Variants in SLC1A3 observed in about 807,000 individuals in gnomAD.
SLC1A3 encodes the protein solute carrier family 1 member 3, also known as excitatory amino acid transporter 1.
A neutral mutation model predicts 48.1 loss-of-function variants in SLC1A3; 21 were observed. The ratio of observed to expected loss-of-function variants is 0.44; its 90% confidence interval spans 0.31 to 0.63. The LOEUF (loss-of-function observed/expected upper bound fraction) is 0.63. Among genes scored for constraint, SLC1A3 ranks in the 20% least tolerant of loss-of-function variants. The pLI, the probability that SLC1A3 is intolerant of heterozygous loss-of-function variation, is 0.08. For synonymous variants in SLC1A3, 239 were observed against 251.4 expected, an observed-to-expected ratio of 0.95 and a Z score of 0.47; for missense variants, 546 against 689.0, an observed-to-expected ratio of 0.79 and a Z score of 2.32.
intron 1 of SLC1A3, among the ~76,000 whole-genome samples, chr5:36,597,520 G>A (rs1488351074): frequency 6.6e-6 from 1 of 152,046 alleles, no homozygotes; most frequent in Non-Finnish European, 1.5e-5. Flanking sequence ...GGGATTACAG[G>A]CGTGAGCCAC....
intron 2 of SLC1A3, among the ~76,000 whole-genome samples, chr5:36,619,086 C>T (rs1297676880): frequency 6.6e-6 from 1 of 152,086 alleles, no homozygotes; most frequent in Non-Finnish European, 1.5e-5. Flanking sequence ...ATTTGGGCAC[C>T]CCTGGTGGAA....
intron 3 of SLC1A3, among the ~76,000 whole-genome samples, chr5:36,632,122 T>C (rs1163983591): frequency 2.6e-5 from 4 of 152,098 alleles, no homozygotes; most frequent in Non-Finnish European, 5.9e-5. Context: ...GAGGGACAAG[T>C]ATGATGATAA....
chr5:36,602,647 T>A (rs375793256), upstream of SLC1A3, among the ~76,000 whole-genome samples: 1 of 152,232 alleles, frequency 6.6e-6, no homozygotes, highest in Non-Finnish European at 1.5e-5. Context: ...TTTTAAGGCA[T>A]CATTATGTCC....
intron 3 of SLC1A3, among the ~76,000 whole-genome samples, chr5:36,665,290 C>CA (rs1250755595): frequency 1.3e-5 from 2 of 151,326 alleles, no homozygotes; most frequent in Non-Finnish European, 1.5e-5. Context: ...GCTGGTTATT[C>CA]AAAAAAATGA....
intron 2 of SLC1A3, among the ~76,000 whole-genome samples, chr5:36,618,120 G>T (rs1232308750): frequency 6.6e-6 from 1 of 152,162 alleles, no homozygotes; most frequent in Admixed American, 6.5e-5. Context: ...TTGGAAAACT[G>T]CAATTTCAGG....
intron 3 of SLC1A3, among the ~76,000 whole-genome samples, chr5:36,665,139 G>A (rs905343231): frequency 8.6e-5 from 13 of 151,816 alleles, no homozygotes; most frequent in Admixed American, 7.9e-4. Context: ...ACCAAAATTA[G>A]TGAGTCAGAA....
chr5:36,657,933 A>G (rs1580005079), intron 3 of SLC1A3, among the ~76,000 whole-genome samples: 1 of 152,358 alleles, frequency 6.6e-6, no homozygotes, highest in East Asian at 1.9e-4. Context: ...GAGCACATTC[A>G]GGAGAGGCTT....
chr5:36,650,323 T>C (rs1561264920), intron 3 of SLC1A3, among the ~76,000 whole-genome samples: 1 of 152,250 alleles, frequency 6.6e-6, no homozygotes, highest in Admixed American at 6.5e-5. Flanking sequence ...ATAATCATAA[T>C]ACCCATTATC....
At chr5:36,633,795 C>A (rs1485697035) in intron 3 of SLC1A3, among the ~76,000 whole-genome samples, 1 of 152,222 alleles carries the variant, frequency 6.6e-6, no homozygotes, top group Admixed American at 6.5e-5. Context: ...ATCTCAGTCT[C>A]ATTTACTTAA....
chr5:36,677,242 GTGT>G, intron 6 of SLC1A3, 58 bp downstream of exon 6: 1 of 1,490,972 alleles, frequency 6.7e-7, no homozygotes, highest in Non-Finnish European at 9.3e-7. Flanking sequence ...CCATCAACAT[GTGT>G]TCTGTACTGA....
chr5:36,611,184 GGAA>G (rs753673302), intron 2 of SLC1A3, among the ~76,000 whole-genome samples: 29 of 151,322 alleles, frequency 1.9e-4, no homozygotes, highest in Non-Finnish European at 4.1e-4. Context: ...ATGCTAGCAA[GGAA>G]GAAGGAGATA....
Position 36,680,566 on chromosome 5 carries a change from C to CT in SLC1A3, c.1268dup (p.Gly424ArgfsTer40), listed in dbSNP as rs1446687148. The CT allele has an allele frequency of 6.2e-7, 1 of 1,613,914 alleles. No homozygotes were observed. Among genetic ancestry groups the CT allele is most frequent in the African/African-American group, 1.3e-5 (1 of 74,942 alleles). On this transcript the variant is annotated frameshift_variant, in exon 8 of 10. Transcript: ENST00000265113. LOFTEE classifies it high-confidence loss of function. ...CTCAAGTTAACAACTTTGAACTGAA[C>CT]TTCGGACAAATTATTACAATCAGGT...
At chr5:36,636,499 C>CTTT (rs1200220429) in intron 3 of SLC1A3, 1 of 127,444 alleles carries the variant, frequency 7.8e-6, no homozygotes, top group Non-Finnish European at 1.6e-5. Context: ...TTCTTTCTTT[C>CTTT]TTTCTTTTTC....
At chr5:36,674,934 A>C (rs941341166) in intron 5 of SLC1A3, among the ~76,000 whole-genome samples, 2 of 152,212 alleles carry the variant, frequency 1.3e-5, no homozygotes, top group Non-Finnish European at 2.9e-5. Flanking sequence ...TTACCATTAG[A>C]AGATAAAAGC....
intron 3 of SLC1A3, among the ~76,000 whole-genome samples, chr5:36,637,672 A>C (rs1740448637): frequency 6.6e-6 from 1 of 152,104 alleles, no homozygotes; most frequent in African/African-American, 2.4e-5. Flanking sequence ...TTTCCAAGAG[A>C]GTGAGTTACC....
At chr5:36,648,251 A>C (rs113196415) in intron 3 of SLC1A3, among the ~76,000 whole-genome samples, 3 of 152,210 alleles carry the variant, frequency 2.0e-5, no homozygotes, top group African/African-American at 4.8e-5. Flanking sequence ...CCTATAGGCA[A>C]GACTGTACCA....
chr5:36,623,292 G>C, intron 2 of SLC1A3, among the ~76,000 whole-genome samples: 1 of 152,086 alleles, frequency 6.6e-6, no homozygotes. Flanking sequence ...TCTGAATATT[G>C]CTCATGACAT....
At chr5:36,604,904 G>C (rs1458529780), upstream of SLC1A3, among the ~76,000 whole-genome samples, 2 of 41,770 alleles carry the variant, frequency 4.8e-5, no homozygotes, top group African/African-American at 2.8e-4. Flanking sequence ...AAAAAAAAGC[G>C]GTGGGGGGGG....
At chr5:36,599,527 T>TTTTTTTTTTTTTTTTTG (rs397997372) in intron 1 of SLC1A3, among the ~76,000 whole-genome samples, 1 of 145,516 alleles carries the variant, frequency 6.9e-6, no homozygotes, top group Non-Finnish European at 1.5e-5. Flanking sequence ...TTTTTTTTTT[T>TTTTTTTTTTTTTTTTTG]GAGACGGAGT....
Sources: allele counts gnomAD v4.1 joint callset (sites outside exome capture counted in the v4.1 genomes callset), GRCh38; gene constraint gnomAD v4.1.1; transcripts MANE v1.5; gene names NCBI Gene and HGNC (gene_info 2026-07-23, HGNC 2026-07-21).